ADGRG3: variants seen among roughly 807,000 people sequenced by gnomAD.
ADGRG3 encodes adhesion G protein-coupled receptor G3.
Under a neutral mutation model 54.3 loss-of-function variants are expected in ADGRG3, and 39 were observed. The ratio of observed to expected loss-of-function variants is 0.72; its 90% CI spans 0.56 to 0.94. ADGRG3 has a LOEUF of 0.94. Among genes scored for constraint, ADGRG3 ranks in the 40% least tolerant of loss-of-function variants. The pLI is 0.00. For synonymous variants in ADGRG3, 312 were observed against 290.0 expected, an observed-to-expected ratio of 1.08 and a Z score of -0.77; for missense variants, 654 against 694.6, an observed-to-expected ratio of 0.94 and a Z score of 0.66.
At chr16:57,670,145 C>G (rs1448553199) in intron 1 of ADGRG3, among the ~76,000 whole-genome samples, 1 of 152,178 alleles carries the variant, frequency 6.6e-6, no homozygotes, top group Non-Finnish European at 1.5e-5. Flanking sequence ...GACCTCCAGT[C>G]CACTTTCCAC....
At chr16:57,668,439 G>C (rs756109909) in intron 1 of ADGRG3, 34 bp downstream of exon 1, 1 of 1,538,730 alleles carries the variant, frequency 6.5e-7, no homozygotes, top group Non-Finnish European at 8.7e-7. Context: ...CTCCTGCCAC[G>C]CTGGGCCGAC....
At chr16:57,668,858 C>T (rs1049922658) in intron 1 of ADGRG3, among the ~76,000 whole-genome samples, 3 of 152,218 alleles carry the variant, frequency 2.0e-5, no homozygotes, top group African/African-American at 7.2e-5. Context: ...TCCTCCCGCA[C>T]ATGTCACCCC....
At chr16:57,681,743 AAAAGAG>A (rs1312515391) in intron 8 of ADGRG3, among the ~76,000 whole-genome samples, 1 of 149,388 alleles carries the variant, frequency 6.7e-6, no homozygotes. Context: ...AAAAAAAAAA[AAAAGAG>A]AGAGAGAGAG....
chr16:57,684,616 G>A (rs180909228), intron 10 of ADGRG3, 133 bp downstream of exon 10: 51 of 635,240 alleles, frequency 8.0e-5, no homozygotes, highest in Admixed American at 4.7e-4. Context: ...AGAATCCTCA[G>A]ATCCAGCTAG....
intron 1 of ADGRG3, among the ~76,000 whole-genome samples, chr16:57,669,595 C>T (rs1329403346): frequency 2.6e-5 from 4 of 152,140 alleles, no homozygotes; most frequent in Non-Finnish European, 5.9e-5. Flanking sequence ...AGAGCAGCAG[C>T]CATTTGATTG....
At chr16:57,684,280 GA>G (rs2048430491) in intron 9 of ADGRG3, 68 bp downstream of exon 9, 57 of 1,578,526 alleles carry the variant, frequency 3.6e-5, no homozygotes, top group Non-Finnish European at 4.6e-5. Flanking sequence ...TAGCCTTGGG[GA>G]GAGAGAGGAG....
intron 8 of ADGRG3, chr16:57,681,285 TAC>T (rs1241335328): frequency 1.3e-5 from 2 of 154,148 alleles, no homozygotes; most frequent in African/African-American, 4.8e-5. Flanking sequence ...TTGACTAGAA[TAC>T]AGACTTTGCT....
At chr16:57,679,345 A>G in intron 5 of ADGRG3, 34 bp downstream of exon 5, 2 of 1,610,940 alleles carry the variant, frequency 1.2e-6, no homozygotes, top group Non-Finnish European at 1.7e-6. Flanking sequence ...CAGCCACTGC[A>G]GGGCAGACAG....
chr16:57,686,733 C>T (rs1322432683), intron 11 of ADGRG3: 2 of 152,252 alleles, frequency 1.3e-5, no homozygotes, highest in Admixed American at 6.5e-5. Context: ...GGGTGTCCAT[C>T]GTCCATCTCT....
Position 57,685,762 on chromosome 16 carries a change from C to T in ADGRG3, c.1376C>T (p.Thr459Ile), listed in dbSNP as rs1194088697. Residue 459 changes from threonine (T) to isoleucine (I), a missense_variant, in exon 11 of 12, where the codon ACC (threonine) becomes ATC (isoleucine). Transcript: ENST00000333493. ...GCCCTGGTGGTCTGGAAGATCTTCA[C>T]CCTGTCCCGTGCTACAGCGGTCAAG... ...VLALVVWKIFTLSRATAVKER... is the reference protein window; with the variant it reads ...VLALVVWKIFILSRATAVKER... 1.2e-5 allele frequency: 19 copies of T among 1,614,200 alleles called. No homozygotes were observed. Among genetic ancestry groups the T allele is most frequent in the Non-Finnish European group, 1.5e-5 (18 of 1,180,048 alleles).
At position 57,685,629 on chromosome 16, in the gene ADGRG3, GC is replaced by G. The variant is rs771009512; in HGVS notation, c.1257-9del. 3 of 1,612,680 alleles carry G rather than the reference GC, an allele frequency of 1.9e-6. No individual in the cohort carries two copies. The highest frequency in any genetic ancestry group is 2.2e-5 in the South Asian group (2 of 91,030). On this transcript the variant is annotated splice_polypyrimidine_tract_variant and intron_variant, in intron 10 of 11. Coordinates refer to ENST00000333493, the MANE Select transcript of ADGRG3 (RefSeq NM_170776.5). ...TACCACTCCCAGTCCCACCACAGCTGCCCCCTCCTCCAGATGCTGGTTCCGT... is the reference window on the plus strand; with the variant it reads ...TACCACTCCCAGTCCCACCACAGCTGCCCCTCCTCCAGATGCTGGTTCCGT...
At chr16:57,671,089 A>G (rs1475476846) in intron 1 of ADGRG3, among the ~76,000 whole-genome samples, 7 of 152,162 alleles carry the variant, frequency 4.6e-5, no homozygotes, top group African/African-American at 1.7e-4. Context: ...AGAGTAAAAG[A>G]CATAAAAGTG....
intron 1 of ADGRG3, 30 bp from the exon 2 acceptor site, chr16:57,673,291 C>T (rs1385571911): frequency 6.3e-7 from 1 of 1,594,016 alleles, no homozygotes; most frequent in African/African-American, 1.3e-5. Context: ...TTCGTCCAGC[C>T]CATTCACACT....
At chr16:57,676,442 G>T in intron 3 of ADGRG3, 104 bp downstream of exon 3, 1 of 1,081,738 alleles carries the variant, frequency 9.2e-7, no homozygotes, top group Non-Finnish European at 1.3e-6. Flanking sequence ...ACTAGGGCTT[G>T]TCCCTCCCCC....
chr16:57,688,011 C>T (rs1480799103), intron 11 of ADGRG3, among the ~76,000 whole-genome samples: 2 of 152,172 alleles, frequency 1.3e-5, no homozygotes, highest in African/African-American at 4.8e-5. Flanking sequence ...CCCACACTTT[C>T]CCTTTTCCTC....
At chr16:57,682,479 T>C in intron 8 of ADGRG3, 42 of 985,168 alleles carry the variant, frequency 4.3e-5, no homozygotes, top group Non-Finnish European at 5.1e-5. Context: ...ACCCCCACCC[T>C]CCAAGCCCTG....
rs1285579029 is a variant in ADGRG3, at chr16:57,676,137, C to A, written c.207-63C>A. 3.3e-6 allele frequency: 5 copies of A among 1,506,668 alleles called. No individual in the cohort carries two copies. In the Admixed American group the frequency reaches 8.5e-5, roughly 26 times the overall value. The allele number at this position is 1,506,668 out of a possible 1,614,324, so 93.3% of individuals were successfully genotyped here. On this transcript the variant is annotated intron_variant, in intron 2 of 11. Coordinates refer to ENST00000333493, the MANE Select transcript of ADGRG3 (RefSeq NM_170776.5). Reference sequence around the variant, plus strand: ...TGGGTCAGCCCTCTCACCCCAGGAGCCTGATGAGTGAGTAACTCAGCCTGC... The same window carrying A: ...TGGGTCAGCCCTCTCACCCCAGGAGACTGATGAGTGAGTAACTCAGCCTGC...
chr16:57,679,416 C>G, intron 5 of ADGRG3, 105 bp downstream of exon 5: 1 of 1,273,400 alleles, frequency 7.9e-7, no homozygotes, highest in Non-Finnish European at 1.1e-6. Flanking sequence ...TGTCCCCTAC[C>G]CTTCCACAGT....
chr16:57,670,371 G>A (rs117394905), intron 1 of ADGRG3, among the ~76,000 whole-genome samples: 3,085 of 152,236 alleles, frequency 0.02, 46 homozygotes, highest in Non-Finnish European at 0.026. Flanking sequence ...ACATGCCTGC[G>A]CTGAAATTCA....
Sources: gnomAD v4.1 joint callset for allele counts (sites outside exome capture counted in the v4.1 genomes callset) on GRCh38, gnomAD v4.1.1 for gene constraint, MANE v1.5 for transcripts, NCBI Gene and HGNC (gene_info 2026-07-23, HGNC 2026-07-21) for gene names.